Variants in PLXDC2 observed in about 807,000 individuals in gnomAD.
PLXDC2 encodes plexin domain containing 2, also known as plexin domain-containing protein 2.
A neutral mutation model predicts 68.9 loss-of-function variants in PLXDC2; 40 were observed. The ratio of observed to expected loss-of-function variants is 0.58; its 90% CI spans 0.45 to 0.76. PLXDC2 has a LOEUF of 0.76. Among genes scored for constraint, PLXDC2 ranks in the 30% least tolerant of loss-of-function variants. PLXDC2 has a pLI of 0.00. For synonymous variants in PLXDC2, 243 were observed against 234.2 expected (o/e 1.04, Z -0.34); for missense variants, 644 against 661.9 (o/e 0.97, Z 0.30).
At chr10:19,903,060 G>GTGGGAT (rs1838184671) in intron 1 of PLXDC2, among the ~76,000 whole-genome samples, 1 of 152,164 alleles carries the variant, frequency 6.6e-6, no homozygotes, top group African/African-American at 2.4e-5. Flanking sequence ...TTGATATGCT[G>GTGGGAT]TGGGATTGAG....
intron 4 of PLXDC2, among the ~76,000 whole-genome samples, chr10:20,115,394 G>A (rs976088545): frequency 1.3e-5 from 2 of 152,080 alleles, no homozygotes; most frequent in Non-Finnish European, 2.9e-5. Context: ...AGCTGTTTCA[G>A]CCCCTATTTG....
chr10:20,118,867 T>C (rs1218605566), intron 4 of PLXDC2, among the ~76,000 whole-genome samples: 4 of 152,186 alleles, frequency 2.6e-5, no homozygotes, highest in African/African-American at 9.6e-5. Flanking sequence ...TTTAAATAAT[T>C]TATTTGTAAC....
intron 1 of PLXDC2, among the ~76,000 whole-genome samples, chr10:19,820,365 C>T (rs1836440760): frequency 6.6e-6 from 1 of 152,168 alleles, no homozygotes; most frequent in Admixed American, 6.5e-5. Flanking sequence ...GGCGCGGTGG[C>T]TCACGCCTGT....
In PLXDC2 at chr10:19,834,137, A is replaced by G. The variant is rs971437413; in HGVS notation, c.112+16946A>G. Among the ~76,000 whole-genome samples the G allele has an allele frequency of 3.6e-4, 55 of 152,276 alleles. 1 individual carries two copies. The highest frequency in any genetic ancestry group is 1.3e-3 in the African/African-American group (55 of 41,544). On this transcript the variant is annotated intron_variant, in intron 1 of 13. Coordinates refer to ENST00000377252, the MANE Select transcript of PLXDC2 (RefSeq NM_032812.9). ...AGAGTCATTTATTTGGGTTTAGTTA[A>G]TATATCTTGGAAAATGTGAAATATT...
At position 19,886,955 on chromosome 10, in the gene PLXDC2, A is replaced by T. The variant is rs565541967; in HGVS notation, c.112+69764A>T. Among the ~76,000 whole-genome samples the T allele has an allele frequency of 1.4e-4, 21 of 152,270 alleles. No individual in the cohort carries two copies. In the East Asian group the frequency reaches 1.9e-3, roughly 14 times the overall value. ...AGTCATATAACCTCTGGACAATTTCACTGTATACTTGTGATAGAATGAGAA... is the reference window on the plus strand; with the variant it reads ...AGTCATATAACCTCTGGACAATTTCTCTGTATACTTGTGATAGAATGAGAA... On this transcript the variant is annotated intron_variant, in intron 1 of 13. Coordinates refer to ENST00000377252, the MANE Select transcript of PLXDC2 (RefSeq NM_032812.9).
At chr10:20,185,390 C>T (rs1343175955) in intron 9 of PLXDC2, among the ~76,000 whole-genome samples, 1 of 151,842 alleles carries the variant, frequency 6.6e-6, no homozygotes, top group Non-Finnish European at 1.5e-5. Flanking sequence ...TACTTGTTCA[C>T]CACAGAGCCT....
chr10:19,950,527 A>G (rs932214467), intron 1 of PLXDC2, among the ~76,000 whole-genome samples: 5 of 152,216 alleles, frequency 3.3e-5, no homozygotes, highest in African/African-American at 9.6e-5. Context: ...ACAAAGGGAG[A>G]AACATTACAT....
intron 1 of PLXDC2, among the ~76,000 whole-genome samples, chr10:19,937,583 T>TA (rs1833747488): frequency 2.9e-5 from 4 of 137,886 alleles, no homozygotes; most frequent in Admixed American, 7.4e-5. Flanking sequence ...TATATATATA[T>TA]TTGCAACTTC....
chr10:20,160,020 T>C (rs1044932684), intron 6 of PLXDC2, among the ~76,000 whole-genome samples: 1 of 152,200 alleles, frequency 6.6e-6, no homozygotes, highest in African/African-American at 2.4e-5. Flanking sequence ...TTTTAATGCC[T>C]GTCCCTGTTC....
intron 3 of PLXDC2, among the ~76,000 whole-genome samples, chr10:20,052,865 G>T (rs1835929214): frequency 2.0e-5 from 3 of 151,980 alleles, no homozygotes; most frequent in South Asian, 2.1e-4. Flanking sequence ...CCCAGAAAAG[G>T]CAACTTCCCA....
chr10:19,925,654 C>T (rs75540149), intron 1 of PLXDC2, among the ~76,000 whole-genome samples: 173 of 152,290 alleles, frequency 1.1e-3, no homozygotes, highest in African/African-American at 3.8e-3. Flanking sequence ...TGAGAGTAGA[C>T]TCAAACATGG....
intron 9 of PLXDC2, among the ~76,000 whole-genome samples, chr10:20,192,723 T>A (rs1221938757): frequency 6.6e-6 from 1 of 152,080 alleles, no homozygotes; most frequent in African/African-American, 2.4e-5. Flanking sequence ...ATCTTTGATG[T>A]TAACATTTTA....
At chr10:19,873,631 T>C (rs1435742470) in intron 1 of PLXDC2, among the ~76,000 whole-genome samples, 1 of 152,164 alleles carries the variant, frequency 6.6e-6, no homozygotes, top group Non-Finnish European at 1.5e-5. Flanking sequence ...TATGATCCTT[T>C]GCACATTGAA....
intron 2 of PLXDC2, among the ~76,000 whole-genome samples, chr10:20,040,040 C>T (rs1308041664): frequency 2.0e-5 from 3 of 152,276 alleles, no homozygotes; most frequent in Non-Finnish European, 2.9e-5. Context: ...GCTGAGTTCT[C>T]GGCCATGGTG....
At chr10:20,208,389 A>G (rs1835021585) in intron 9 of PLXDC2, among the ~76,000 whole-genome samples, 1 of 152,106 alleles carries the variant, frequency 6.6e-6, no homozygotes, top group Non-Finnish European at 1.5e-5. Context: ...TGTGAGACTT[A>G]TTTACTACCA....
chr10:19,868,613 A>G (rs1837466249), intron 1 of PLXDC2, among the ~76,000 whole-genome samples: 1 of 152,178 alleles, frequency 6.6e-6, no homozygotes, highest in East Asian at 1.9e-4. Flanking sequence ...TTTTAAATTC[A>G]TATTTAGTTA....
chr10:20,120,931 T>G lies in PLXDC2; in HGVS notation c.542-22364T>G, dbSNP rs1055480708. ...GGAACCGCCATCAATAAATCAAGCA[T>G]GATCAGGATGAGGAACAGGAAAGAA... On this transcript the variant is annotated intron_variant, in intron 4 of 13. Coordinates refer to ENST00000377252, the MANE Select transcript of PLXDC2 (RefSeq NM_032812.9). 3.4e-4 allele frequency among the ~76,000 whole-genome samples: 52 copies of G among 152,186 alleles called. 1 individual carries two copies. The highest frequency in any genetic ancestry group is 1.2e-3 in the African/African-American group (50 of 41,506).
At chr10:19,912,044 T>G (rs865999643) in intron 1 of PLXDC2, among the ~76,000 whole-genome samples, 1 of 152,208 alleles carries the variant, frequency 6.6e-6, no homozygotes, top group African/African-American at 2.4e-5. Context: ...TCGACTTAGT[T>G]TATTTTTCTC....
chr10:19,856,389 C>G (rs868263473), intron 1 of PLXDC2, among the ~76,000 whole-genome samples: 3 of 136,804 alleles, frequency 2.2e-5, no homozygotes, highest in South Asian at 2.2e-4. Flanking sequence ...GACACACACA[C>G]ACACACACAC....
Sources: allele counts gnomAD v4.1 joint callset (sites outside exome capture counted in the v4.1 genomes callset), GRCh38; gene constraint gnomAD v4.1.1; transcripts MANE v1.5; gene names NCBI Gene and HGNC (gene_info 2026-07-23, HGNC 2026-07-21).